Variants in GRIN2A observed in about 807,000 individuals in gnomAD.
GRIN2A encodes glutamate receptor ionotropic, NMDA 2A.
Under a neutral mutation model 113.4 loss-of-function variants are expected in GRIN2A, and 22 were observed. The observed-to-expected ratio is 0.19, with a 90% CI of 0.14 to 0.28. The LOEUF is 0.28. GRIN2A is among the 10% of genes least tolerant of loss of function. The probability of loss-of-function intolerance (pLI) is 1.00; values close to 1 mark genes in which losing one functional copy is unlikely to be tolerated. For missense variants in GRIN2A, 1,502 were observed against 1,887.0 expected (o/e 0.80, Z 3.78); for synonymous variants, 827 against 738.4 (o/e 1.12, Z -1.94).
At chr16:9,949,825 T>C (rs955656420) in intron 2 of GRIN2A, among the ~76,000 whole-genome samples, 11 of 151,838 alleles carry the variant, frequency 7.2e-5, no homozygotes, top group Non-Finnish European at 1.3e-4. Flanking sequence ...GTATAAGAGA[T>C]TGAAGAAATA....
At chr16:9,815,389 G>T (rs1596456752) in intron 10 of GRIN2A, among the ~76,000 whole-genome samples, 1 of 124,498 alleles carries the variant, frequency 8.0e-6, no homozygotes, top group Non-Finnish European at 1.7e-5. Flanking sequence ...AATATACAGA[G>T]AACTCTTAAA....
At chr16:10,000,689 C>T (rs7200719) in intron 2 of GRIN2A, among the ~76,000 whole-genome samples, 14,446 of 152,176 alleles carry the variant, frequency 0.095, 798 homozygotes, top group African/African-American at 0.11. Context: ...AAGATTCTTC[C>T]CTATCCATCA....
At chr16:10,081,175 G>C (rs1433185350) in intron 2 of GRIN2A, among the ~76,000 whole-genome samples, 1 of 152,178 alleles carries the variant, frequency 6.6e-6, no homozygotes, top group African/African-American at 2.4e-5. Flanking sequence ...GTTAGCATGA[G>C]GCAACTGCAC....
chr16:9,839,119 C>A (rs1006801606), intron 7 of GRIN2A, among the ~76,000 whole-genome samples: 2 of 152,146 alleles, frequency 1.3e-5, no homozygotes, highest in Non-Finnish European at 2.9e-5. Context: ...TTTGTCTTAA[C>A]CTTCCCTAAT....
At chr16:9,902,166 C>A (rs4424909) in intron 3 of GRIN2A, among the ~76,000 whole-genome samples, 4,311 of 152,010 alleles carry the variant, frequency 0.028, 207 homozygotes, top group African/African-American at 0.099. Context: ...GGGCACAGAA[C>A]CTCCAATAAT....
In GRIN2A at chr16:9,755,777, C is replaced by G. The variant is rs1397738888; in HGVS notation, c.*7372G>C. The G allele has an allele frequency of 4.8e-6, 1 of 207,454 alleles. No individual in the cohort carries two copies. Among genetic ancestry groups the G allele is most frequent in the African/African-American group, 2.3e-5 (1 of 43,770 alleles). 12.9% of individuals were successfully genotyped at this position (207,454 alleles called of 1,614,324 possible). On this transcript the variant is annotated 3_prime_UTR_variant, in exon 13 of 13. Transcript: ENST00000330684. ...CCGGTGGAAGCGTTCCAGTTCAACA[C>G]TCTTCAGTGGGACAGAATAACCGTC...
intron 2 of GRIN2A, among the ~76,000 whole-genome samples, chr16:9,974,945 T>A (rs2045746166): frequency 6.6e-6 from 1 of 152,210 alleles, no homozygotes. Flanking sequence ...CTCTCAATTT[T>A]CACCACTGAG....
At position 9,932,276 on chromosome 16, in the gene GRIN2A, T is replaced by G. The variant is rs1320273675; in HGVS notation, c.1007+5683A>C. Among the ~76,000 whole-genome samples the G allele has an allele frequency of 2.0e-5, 3 of 150,674 alleles. No homozygotes were observed. The East Asian group carries it at 5.8e-4, about 29-fold the overall frequency. ...ATGAATAATTGGTGCTTAGCTTATG[T>G]AAGACACCAAAGACATTTTTTGAAT... On this transcript the variant is annotated intron_variant, in intron 3 of 12. Coordinates refer to ENST00000330684, the MANE Select transcript of GRIN2A (RefSeq NM_001134407.3).
At chr16:9,979,181 A>G (rs1291557395) in intron 2 of GRIN2A, among the ~76,000 whole-genome samples, 1 of 152,180 alleles carries the variant, frequency 6.6e-6, no homozygotes, top group Non-Finnish European at 1.5e-5. Context: ...AGTCTGGTGA[A>G]GAAGATTCAA....
chr16:10,143,816 AT>A (rs2049376915), intron 2 of GRIN2A, among the ~76,000 whole-genome samples: 1 of 152,002 alleles, frequency 6.6e-6, no homozygotes, highest in Non-Finnish European at 1.5e-5. Flanking sequence ...AAACACAAAA[AT>A]GAGCCAGGCA....
chr16:9,943,281 C>T (rs1483741637), intron 2 of GRIN2A: 5 of 152,224 alleles, frequency 3.3e-5, no homozygotes, highest in African/African-American at 1.2e-4. Context: ...GCACTTCTCT[C>T]CCCATGCTCA....
chr16:9,985,982 C>T (rs1287616122), intron 2 of GRIN2A, among the ~76,000 whole-genome samples: 2 of 151,792 alleles, frequency 1.3e-5, no homozygotes, highest in Admixed American at 6.6e-5. Context: ...TTTATACTCA[C>T]AAAAATTAGA....
At chr16:10,173,057 C>T (rs1010159361) in intron 2 of GRIN2A, among the ~76,000 whole-genome samples, 8 of 152,192 alleles carry the variant, frequency 5.3e-5, no homozygotes, top group Admixed American at 2.6e-4. Flanking sequence ...CGATTGTCAG[C>T]AACCCCTGAG....
intron 10 of GRIN2A, among the ~76,000 whole-genome samples, chr16:9,801,536 T>C (rs972393140): frequency 6.6e-5 from 10 of 152,246 alleles, no homozygotes; most frequent in Non-Finnish European, 1.2e-4. Context: ...TTTAAGTTGG[T>C]ATTTTATGGA....
intron 2 of GRIN2A, among the ~76,000 whole-genome samples, chr16:10,083,588 A>G (rs1026730937): frequency 1.3e-5 from 2 of 152,166 alleles, no homozygotes; most frequent in African/African-American, 4.8e-5. Context: ...CCTGGACTGA[A>G]CTTACCAAAC....
chr16:10,136,753 G>C (rs34358230), intron 2 of GRIN2A, among the ~76,000 whole-genome samples: 13,803 of 152,102 alleles, frequency 0.091, 652 homozygotes, highest in South Asian at 0.11. Flanking sequence ...ATTTATGGGG[G>C]AACTGACCTT....
At chr16:9,939,046 G>A (rs2173684) in intron 2 of GRIN2A, among the ~76,000 whole-genome samples, 1 of 152,164 alleles carries the variant, frequency 6.6e-6, no homozygotes, top group Non-Finnish European at 1.5e-5. Context: ...GTTCATTTAA[G>A]GAGTTTGAGT....
At chr16:9,815,498 T>C (rs562292915) in intron 10 of GRIN2A, among the ~76,000 whole-genome samples, 2 of 143,396 alleles carry the variant, frequency 1.4e-5, no homozygotes, top group South Asian at 4.4e-4. Context: ...AAAGAATAAA[T>C]ACAATTGCCC....
chr16:9,799,979 T>C (rs1372031724), intron 10 of GRIN2A, among the ~76,000 whole-genome samples: 1 of 151,666 alleles, frequency 6.6e-6, no homozygotes, highest in Admixed American at 6.6e-5. Context: ...ATTATTATTA[T>C]TATTATTATT....
Sources: gnomAD v4.1 joint callset for allele counts (sites outside exome capture counted in the v4.1 genomes callset) on GRCh38, gnomAD v4.1.1 for gene constraint, MANE v1.5 for transcripts, NCBI Gene and HGNC (gene_info 2026-07-23, HGNC 2026-07-21) for gene names.